KANSL1L: variants seen among roughly 807,000 people sequenced by gnomAD.
The protein encoded by KANSL1L is KAT8 regulatory NSL complex subunit 1-like protein.
In KANSL1L, 25 loss-of-function variants were observed where a neutral mutation model predicts 108.6. That is an observed-to-expected ratio of 0.23 (90% CI 0.17 to 0.32). The LOEUF (loss-of-function observed/expected upper bound fraction) is 0.32, where lower values mean the gene tolerates loss of function less well. KANSL1L is among the 10% of genes least tolerant of loss of function. KANSL1L has a pLI of 1.00. For synonymous variants in KANSL1L, 405 were observed against 395.1 expected, an observed-to-expected ratio of 1.03 and a Z score of -0.30; for missense variants, 1,137 against 1,125.7, an observed-to-expected ratio of 1.01 and a Z score of -0.14.
intron 2 of KANSL1L, among the ~76,000 whole-genome samples, chr2:210,130,844 ATTT>A (rs11333274): frequency 2.8e-5 from 4 of 143,794 alleles, no homozygotes; most frequent in South Asian, 2.2e-4. Context: ...GGTGGTAACA[ATTT>A]TTTTTTTTTT....
At chr2:210,027,641 C>G (rs2093955822) in intron 11 of KANSL1L, among the ~76,000 whole-genome samples, 1 of 151,910 alleles carries the variant, frequency 6.6e-6, no homozygotes, top group African/African-American at 2.4e-5. Flanking sequence ...ATAAACTGGC[C>G]TGGCCAAAAA....
chr2:210,117,084 A>G (rs1031065887), intron 3 of KANSL1L, among the ~76,000 whole-genome samples: 15 of 152,216 alleles, frequency 9.9e-5, no homozygotes, highest in Admixed American at 7.9e-4. Context: ...TGGAGCTGAA[A>G]AATGCAACTG....
chr2:210,098,288 CT>C, intron 4 of KANSL1L, 81 bp from the exon 5 acceptor site: 1 of 1,278,780 alleles, frequency 7.8e-7, no homozygotes, highest in Non-Finnish European at 1.1e-6. Context: ...CCAATTAATC[CT>C]TAACTTCTCA....
chr2:210,169,015 A>G (rs1350346977), intron 1 of KANSL1L, among the ~76,000 whole-genome samples: 1 of 152,186 alleles, frequency 6.6e-6, no homozygotes, highest in East Asian at 1.9e-4. Flanking sequence ...AATGCAAATT[A>G]AAGCAAGGTT....
In KANSL1L at chr2:210,044,157, A is replaced by G. The variant is rs1400202185; in HGVS notation, c.1756-53T>C. The G allele has an allele frequency of 8.4e-7, 1 of 1,184,306 alleles. No homozygotes were observed. Among genetic ancestry groups the G allele is most frequent in the Non-Finnish European group, 1.1e-6 (1 of 876,016 alleles). 73.4% of individuals were successfully genotyped at this position (1,184,306 alleles called of 1,614,324 possible). A position where few individuals can be genotyped will look rare whatever the true frequency, so the allele number is the denominator to read the frequency against. Reference sequence around the variant, plus strand: ...CACAGCCAAAGCATCCATAAATGGCATATCTCTACATTTATTTAGGTTATC... The same window carrying G: ...CACAGCCAAAGCATCCATAAATGGCGTATCTCTACATTTATTTAGGTTATC... On this transcript the variant is annotated intron_variant, in intron 6 of 14. Coordinates refer to ENST00000281772, the MANE Select transcript of KANSL1L (RefSeq NM_152519.4). The surrounding 1 kb of genome is among the most constrained non-coding windows in gnomAD (Gnocchi z 4.2).
At chr2:210,069,108 T>C (rs569307449) in intron 6 of KANSL1L, among the ~76,000 whole-genome samples, 1 of 152,318 alleles carries the variant, frequency 6.6e-6, no homozygotes, top group African/African-American at 2.4e-5. Context: ...TACACTTTAC[T>C]TGGAAATTTC....
intron 10 of KANSL1L, 114 bp downstream of exon 10, chr2:210,029,685 ATGTC>A (rs2093988245): frequency 4.2e-6 from 2 of 480,534 alleles, no homozygotes; most frequent in Non-Finnish European, 7.3e-6. Context: ...ATAGTTATAA[ATGTC>A]TGTTAATATG....
chr2:210,038,885 C>T (rs183935364), intron 8 of KANSL1L, among the ~76,000 whole-genome samples: 1 of 152,018 alleles, frequency 6.6e-6, no homozygotes, highest in Non-Finnish European at 1.5e-5. Flanking sequence ...ATTATACAGA[C>T]TTAAATAATT....
intron 6 of KANSL1L, chr2:210,064,196 A>G (rs1192139584): frequency 1.3e-5 from 2 of 152,224 alleles, no homozygotes; most frequent in Non-Finnish European, 1.5e-5. Context: ...AGGTATCCCC[A>G]GCCATGTAGA....
chr2:210,150,343 T>C (rs542375563), intron 2 of KANSL1L, among the ~76,000 whole-genome samples: 1 of 152,132 alleles, frequency 6.6e-6, no homozygotes, highest in African/African-American at 2.4e-5. Flanking sequence ...AAAAAAAAAT[T>C]TTTTTTCTAT....
intron 1 of KANSL1L, among the ~76,000 whole-genome samples, chr2:210,159,050 C>A (rs541146410): frequency 6.6e-6 from 1 of 152,300 alleles, no homozygotes; most frequent in African/African-American, 2.4e-5. Context: ...ATTTGACATA[C>A]AGAAGATGCG....
At chr2:210,102,149 T>C (rs1001360949) in intron 4 of KANSL1L, among the ~76,000 whole-genome samples, 4 of 152,182 alleles carry the variant, frequency 2.6e-5, no homozygotes, top group African/African-American at 9.7e-5. Context: ...CACTGGTCTA[T>C]ATCTCTGTTT....
At chr2:210,110,718 G>A (rs549719936) in intron 3 of KANSL1L, among the ~76,000 whole-genome samples, 30 of 152,188 alleles carry the variant, frequency 2.0e-4, no homozygotes, top group Non-Finnish European at 3.7e-4. Context: ...AAATGGAAGA[G>A]AAAAAAATTG....
intron 3 of KANSL1L, among the ~76,000 whole-genome samples, chr2:210,110,833 T>TAAGC (rs2125459639): frequency 6.6e-6 from 1 of 152,262 alleles, no homozygotes; most frequent in East Asian, 1.9e-4. Context: ...TGCAGTGGCT[T>TAAGC]ATACCTGTAA....
At chr2:210,113,981 C>T (rs1426835743) in intron 3 of KANSL1L, among the ~76,000 whole-genome samples, 2 of 151,874 alleles carry the variant, frequency 1.3e-5, no homozygotes, top group African/African-American at 4.8e-5. Context: ...GTGGGAGTTC[C>T]AGAAAAAGAA....
chr2:210,154,602 T>C lies in KANSL1L; in HGVS notation c.-20A>G, dbSNP rs746633628. ...GGTCATGGCGATTCCTGTAGATAAG[T>C]ATTGGAAACCTACAATAATGTAAAA... On this transcript the variant is annotated 5_prime_UTR_variant, in exon 2 of 15. The change creates a new upstream start codon in the 5' untranslated region. Coordinates refer to ENST00000281772, the MANE Select transcript of KANSL1L (RefSeq NM_152519.4). The C allele has an allele frequency of 3.5e-6, 5 of 1,439,710 alleles. 1 individual carries two copies. The highest frequency in any genetic ancestry group is 1.8e-5 in the South Asian group (1 of 54,872). The allele number at this position is 1,439,710 out of a possible 1,614,324, so 89.2% of individuals were successfully genotyped here. A position where few individuals can be genotyped will look rare whatever the true frequency, so the allele number is the denominator to read the frequency against.
At chr2:210,105,402 T>G (rs1202717231) in intron 3 of KANSL1L, among the ~76,000 whole-genome samples, 1 of 148,220 alleles carries the variant, frequency 6.7e-6, no homozygotes, top group Non-Finnish European at 1.5e-5. Context: ...TGAAACATGC[T>G]AATAAATTCC....
chr2:210,156,866 C>G (rs549756318), intron 1 of KANSL1L, among the ~76,000 whole-genome samples: 1 of 151,836 alleles, frequency 6.6e-6, no homozygotes, highest in Non-Finnish European at 1.5e-5. Context: ...TTTATGTATA[C>G]ACTTTATTGT....
At chr2:210,079,184 A>G (rs903977467) in intron 5 of KANSL1L, among the ~76,000 whole-genome samples, 1 of 152,196 alleles carries the variant, frequency 6.6e-6, no homozygotes, top group African/African-American at 2.4e-5. Context: ...AAGAAAAAGA[A>G]TATTTCAATA....
Sources: allele counts gnomAD v4.1 joint callset (sites outside exome capture counted in the v4.1 genomes callset), GRCh38; gene constraint gnomAD v4.1.1; non-coding constraint Gnocchi (gnomAD v3.1); transcripts MANE v1.5; gene names NCBI Gene and HGNC (gene_info 2026-07-23, HGNC 2026-07-21).